EDN1: variants seen among roughly 807,000 people sequenced by gnomAD.
The protein encoded by EDN1 is endothelin-1.
Under a neutral mutation model 21.7 loss-of-function variants are expected in EDN1, and 11 were observed. The ratio of observed to expected loss-of-function variants is 0.51; its 90% confidence interval spans 0.32 to 0.84. The LOEUF (loss-of-function observed/expected upper bound fraction) is 0.84, where lower values mean the gene tolerates loss of function less well. Among genes scored for constraint, EDN1 ranks in the 40% least tolerant of loss-of-function variants. The pLI, the probability that EDN1 is intolerant of heterozygous loss-of-function variation, is 0.03. For missense variants in EDN1, 244 were observed against 262.3 expected (o/e 0.93, Z 0.48); for synonymous variants, 85 against 90.6 (o/e 0.94, Z 0.35).
At chr6:12,233,991 C>G in the EDN1 span, among the ~76,000 whole-genome samples, 1 of 152,194 alleles carries the variant, frequency 6.6e-6, no homozygotes, top group Non-Finnish European at 1.5e-5. Context: ...CTCTCCCCAT[C>G]CCCCTCACAT....
chr6:12,263,219 C>T, the EDN1 span, among the ~76,000 whole-genome samples: 1 of 152,132 alleles, frequency 6.6e-6, no homozygotes, highest in African/African-American at 2.4e-5. Context: ...TACTTTTAAG[C>T]CAGCTTGTGA....
the EDN1 span, among the ~76,000 whole-genome samples, chr6:12,237,844 G>A: frequency 6.6e-6 from 1 of 152,100 alleles, no homozygotes; most frequent in East Asian, 1.9e-4. Flanking sequence ...GTACTCAAAG[G>A]TTAATACATG....
chr6:12,246,928 T>G, the EDN1 span, among the ~76,000 whole-genome samples: 1 of 152,246 alleles, frequency 6.6e-6, no homozygotes. Flanking sequence ...TATGTAGCAC[T>G]ATTGAACATA....
chr6:12,249,925 G>A, the EDN1 span, among the ~76,000 whole-genome samples: 1,366 of 152,164 alleles, frequency 9.0e-3, 13 homozygotes, highest in Non-Finnish European at 0.014. Context: ...TCACCTGTGA[G>A]TGAAACAAGC....
chr6:12,262,552 G>T, the EDN1 span, among the ~76,000 whole-genome samples: 1 of 152,148 alleles, frequency 6.6e-6, no homozygotes, highest in South Asian at 2.1e-4. Flanking sequence ...AAATAAAAAT[G>T]ATTTATGGTT....
At chr6:12,289,981 T>A (rs1482482512), upstream of EDN1, among the ~76,000 whole-genome samples, 1 of 152,046 alleles carries the variant, frequency 6.6e-6, no homozygotes. Context: ...AACAATACAA[T>A]CTATTTAAAC....
chr6:12,272,756 T>G, the EDN1 span, among the ~76,000 whole-genome samples: 1 of 152,112 alleles, frequency 6.6e-6, no homozygotes, highest in Admixed American at 6.5e-5. Context: ...CATGGGCCAC[T>G]GCGCCCAGCT....
chr6:12,256,727 C>T, the EDN1 span, among the ~76,000 whole-genome samples: 1 of 152,190 alleles, frequency 6.6e-6, no homozygotes, highest in Non-Finnish European at 1.5e-5. Context: ...TTATAAAAAA[C>T]ATTAATAACA....
At chr6:12,272,927 A>AG in the EDN1 span, among the ~76,000 whole-genome samples, 2 of 152,218 alleles carry the variant, frequency 1.3e-5, no homozygotes, top group Non-Finnish European at 2.9e-5. Context: ...GGAAGAACAC[A>AG]TGGGACTGGT....
the EDN1 span, among the ~76,000 whole-genome samples, chr6:12,278,176 G>GA: frequency 6.6e-6 from 1 of 152,114 alleles, no homozygotes; most frequent in African/African-American, 2.4e-5. Context: ...AAGAGAAGCA[G>GA]AAAACCCCAA....
At chr6:12,246,786 C>G in the EDN1 span, among the ~76,000 whole-genome samples, 814 of 152,128 alleles carry the variant, frequency 5.4e-3, 11 homozygotes, top group African/African-American at 0.019. Flanking sequence ...AGGCCTAAGT[C>G]CCAGTAACAC....
chr6:12,254,859 T>A, the EDN1 span, among the ~76,000 whole-genome samples: 1 of 152,222 alleles, frequency 6.6e-6, no homozygotes, highest in Admixed American at 6.5e-5. Flanking sequence ...TGCTTATGAT[T>A]TAGAATAATT....
intron 2 of EDN1, 101 bp downstream of exon 2, chr6:12,292,610 C>T: frequency 7.3e-7 from 1 of 1,369,120 alleles, no homozygotes. Context: ...GAAGGTAGTC[C>T]TTCTAACACC....
chr6:12,255,151 C>A, the EDN1 span, among the ~76,000 whole-genome samples: 4 of 152,204 alleles, frequency 2.6e-5, no homozygotes, highest in Admixed American at 6.5e-5. Context: ...AAATAAATAA[C>A]AAACACAAAA....
the EDN1 span, among the ~76,000 whole-genome samples, chr6:12,242,184 GTC>G: frequency 0.01 from 1,586 of 152,304 alleles, 119 homozygotes; most frequent in East Asian, 0.2. Flanking sequence ...GAGGTGTGCA[GTC>G]TCTAGGGATT....
At chr6:12,256,214 A>G in the EDN1 span, among the ~76,000 whole-genome samples, 1 of 152,144 alleles carries the variant, frequency 6.6e-6, no homozygotes, top group Non-Finnish European at 1.5e-5. Context: ...ATAGCCAGAC[A>G]TGGTGGTGCA....
the EDN1 span, among the ~76,000 whole-genome samples, chr6:12,273,841 C>A: frequency 6.6e-6 from 1 of 152,014 alleles, no homozygotes. Context: ...AGAAAGTCTT[C>A]CAGCGTACAA....
At chr6:12,255,643 G>A in the EDN1 span, among the ~76,000 whole-genome samples, 1 of 152,192 alleles carries the variant, frequency 6.6e-6, no homozygotes, top group Non-Finnish European at 1.5e-5. Context: ...TGCTTCAACT[G>A]GCTTTCTAGC....
chr6:12,294,455 C>T (rs1415951497), intron 4 of EDN1, 51 bp downstream of exon 4: 3 of 1,606,902 alleles, frequency 1.9e-6, no homozygotes, highest in South Asian at 2.2e-5. Flanking sequence ...GAACAACTAG[C>T]CCCAGTCAGT....
Sources: gnomAD v4.1 joint callset for allele counts (sites outside exome capture counted in the v4.1 genomes callset) on GRCh38, gnomAD v4.1.1 for gene constraint, MANE v1.5 for transcripts, NCBI Gene and HGNC (gene_info 2026-07-23, HGNC 2026-07-21) for gene names.